Variants in FYB1 observed in about 807,000 individuals in gnomAD.
The protein encoded by FYB1 is FYN binding protein 1.
FYB1 carries 41 observed loss-of-function variants against 94.1 expected under a neutral mutation model. The ratio of observed to expected loss-of-function variants is 0.44; its 90% CI spans 0.34 to 0.57. The LOEUF (loss-of-function observed/expected upper bound fraction) is 0.57. Ranked by LOEUF, FYB1 falls within the 20% of genes least tolerant of loss-of-function variation. The pLI is 0.02. For missense variants in FYB1, 1,050 were observed against 976.8 expected (o/e 1.07, Z -1.00); for synonymous variants, 367 against 353.2 (o/e 1.04, Z -0.44).
At chr5:39,258,985 G>A (rs1752099018) in intron 1 of FYB1, among the ~76,000 whole-genome samples, 1 of 152,076 alleles carries the variant, frequency 6.6e-6, no homozygotes, top group Admixed American at 6.5e-5. Flanking sequence ...TCCCTCCTCA[G>A]CAACATGAAA....
In FYB1 at chr5:39,127,480, A is replaced by G. The variant is rs545533855; in HGVS notation, c.1907+261T>C. Among the ~76,000 whole-genome samples the G allele has an allele frequency of 8.0e-3, 1,213 of 150,964 alleles. 19 individuals carry two copies. The highest frequency in any genetic ancestry group is 0.028 in the African/African-American group (1,143 of 41,060). On this transcript the variant is annotated intron_variant, in intron 11 of 18. Coordinates refer to ENST00000512982, the MANE Select transcript of FYB1 (RefSeq NM_001465.6). ...AAAAAAAAAAAAAAAAAAATACACA[A>G]CACCTGTAATTTATCTTTTGTTTTC... is the stretch of plus-strand genomic sequence containing the variant.
chr5:39,237,500 T>C (rs1034965745), intron 1 of FYB1, among the ~76,000 whole-genome samples: 8 of 151,928 alleles, frequency 5.3e-5, no homozygotes, highest in Non-Finnish European at 1.2e-4. Flanking sequence ...AAGATGCAAA[T>C]AGAATTTTTT....
chr5:39,137,942 C>T, intron 6 of FYB1: 1 of 530,350 alleles, frequency 1.9e-6, no homozygotes, highest in South Asian at 2.2e-5. Flanking sequence ...CTTTCCCTGA[C>T]AACTTGTGCC....
At position 39,233,029 on chromosome 5, in the gene FYB1, C is replaced by T. The variant is rs556484173; in HGVS notation, c.-27-30042G>A. Among the ~76,000 whole-genome samples, 23 of 152,068 alleles carry T rather than the reference C, an allele frequency of 1.5e-4. 1 individual carries two copies. Among genetic ancestry groups the T allele is most frequent in the South Asian group, 1.5e-3 (7 of 4,818 alleles). ...TGTGAATAATGCCGCAAGAAACATA[C>T]GTGTGCATGTGTCTTTATAGCAGCA... On this transcript the variant is annotated intron_variant, in intron 1 of 1. Transcript: ENST00000510188.
chr5:39,262,362 A>T (rs756206822), intron 1 of FYB1, among the ~76,000 whole-genome samples: 6 of 152,238 alleles, frequency 3.9e-5, no homozygotes, highest in Non-Finnish European at 8.8e-5. Context: ...AGAAGAGTTT[A>T]TTGGAATGGC....
chr5:39,202,060 G>T lies in FYB1; in HGVS notation c.901C>A (p.Gln301Lys), dbSNP rs1748375482. 1 of 1,613,892 alleles carries T rather than the reference G, an allele frequency of 6.2e-7. No individual in the cohort carries two copies. Among genetic ancestry groups the T allele is most frequent in the Admixed American group, 1.7e-5 (1 of 60,010 alleles). The change falls in exon 2 of 19, where the codon CAG becomes AAG. Residue 301 changes from glutamine (Q) to lysine (K), a missense_variant. Gln to Lys is a moderately conservative substitution (Grantham distance 53). Coordinates refer to ENST00000512982, the MANE Select transcript of FYB1 (RefSeq NM_001465.6). ...AKNTFQSKIN[Q>K]EELASGTPPA... Reference sequence around the variant, plus strand: ...GGAGTCCCTGAGGCCAACTCTTCCTGATTTATTTTGCTCTGGAAGGTGTTC... The same window carrying T: ...GGAGTCCCTGAGGCCAACTCTTCCTTATTTATTTTGCTCTGGAAGGTGTTC...
intron 2 of FYB1, among the ~76,000 whole-genome samples, chr5:39,172,767 A>G (rs1745367147): frequency 6.6e-6 from 1 of 152,198 alleles, no homozygotes; most frequent in Admixed American, 6.5e-5. Flanking sequence ...TGTTGCTGCA[A>G]AGGACATGAC....
intron 1 of FYB1, among the ~76,000 whole-genome samples, chr5:39,205,257 A>G (rs1007566731): frequency 6.6e-6 from 1 of 152,204 alleles, no homozygotes; most frequent in African/African-American, 2.4e-5. Context: ...CTAAGCACAG[A>G]CTTAGGAACC....
At chr5:39,214,642 TATTGGCTGGG>T (rs1292323203) in intron 1 of FYB1, among the ~76,000 whole-genome samples, 1 of 152,108 alleles carries the variant, frequency 6.6e-6, no homozygotes, top group East Asian at 1.9e-4. Context: ...AAACAACAAG[TATTGGCTGGG>T]TGCTGTGGCT....
At chr5:39,187,717 T>C (rs970670222) in intron 2 of FYB1, among the ~76,000 whole-genome samples, 2 of 152,244 alleles carry the variant, frequency 1.3e-5, no homozygotes, top group African/African-American at 4.8e-5. Flanking sequence ...ATCGCCATTA[T>C]GGCCTTTATC....
In FYB1 at chr5:39,139,251, A is replaced by G; in HGVS notation, c.1341T>C (p.Gly447=). ...ATCTGACCTCATCTAGATTTCCAGC[A>G]CCTAAAAGATTAAAAAAATAAAATT... ...DNQDGVTHSD[G]AGNLDEEQDS... Residue 447 remains glycine (G), a splice_region_variant and synonymous_variant, in exon 5 of 19, where the codon GGT becomes GGC. Coordinates refer to ENST00000512982, the MANE Select transcript of FYB1 (RefSeq NM_001465.6). 1 of 1,458,580 alleles carries G rather than the reference A, an allele frequency of 6.9e-7. No homozygotes were observed. The highest frequency in any genetic ancestry group is 9.3e-7 in the Non-Finnish European group (1 of 1,079,128). 90.4% of individuals were successfully genotyped at this position (1,458,580 alleles called of 1,614,324 possible). A position where few individuals can be genotyped will look rare whatever the true frequency, so the allele number is the denominator to read the frequency against.
At chr5:39,159,664 C>T (rs141920601) in intron 2 of FYB1, among the ~76,000 whole-genome samples, 4 of 152,338 alleles carry the variant, frequency 2.6e-5, no homozygotes, top group South Asian at 2.1e-4. Flanking sequence ...AACTGAAAAT[C>T]TCCTGATATC....
rs2150247631 is a variant in FYB1 at position 39,107,183 on chromosome 5, A to G, written c.*260T>C. 1 of 273,438 alleles carries G rather than the reference A, an allele frequency of 3.7e-6. No individual in the cohort carries two copies. Among genetic ancestry groups the G allele is most frequent in the Non-Finnish European group, 7.0e-6 (1 of 143,176 alleles). 16.9% of individuals were successfully genotyped at this position (273,438 alleles called of 1,614,324 possible). A position where few individuals can be genotyped will look rare whatever the true frequency, so the allele number is the denominator to read the frequency against. On this transcript the variant is annotated 3_prime_UTR_variant, in exon 19 of 19. Transcript: ENST00000512982. ...TAAAAGAAGTACCTTCAACTTCTTC[A>G]TAATTGTAGCCAAAGCGGAAATGGA... is the stretch of plus-strand genomic sequence containing the variant.
At position 39,125,703 on chromosome 5, in the gene FYB1, C is replaced by T. The variant is rs140426923; in HGVS notation, c.2045+295G>A. ...GTTTGTGTATGACTGTGTGGATGAGCGTGAGAGGGTATGTGTGCAATTATG... is the reference window on the plus strand; with the variant it reads ...GTTTGTGTATGACTGTGTGGATGAGTGTGAGAGGGTATGTGTGCAATTATG... On this transcript the variant is annotated intron_variant, in intron 12 of 18. Transcript: ENST00000512982. Among the ~76,000 whole-genome samples, 300 of 151,980 alleles carry T rather than the reference C, an allele frequency of 2.0e-3. 1 individual carries two copies. Among genetic ancestry groups the T allele is most frequent in the African/African-American group, 7.0e-3 (289 of 41,480 alleles).
intron 16 of FYB1, among the ~76,000 whole-genome samples, chr5:39,117,704 T>G (rs1419921764): frequency 6.6e-6 from 1 of 152,150 alleles, no homozygotes; most frequent in Admixed American, 6.6e-5. Flanking sequence ...CTTCCTCCCA[T>G]TAAAATTAAA....
intron 2 of FYB1, among the ~76,000 whole-genome samples, chr5:39,176,960 G>A (rs984738912): frequency 6.6e-6 from 1 of 152,176 alleles, no homozygotes; most frequent in African/African-American, 2.4e-5. Context: ...CCAGAGACTG[G>A]GGGGTTACAA....
At chr5:39,157,933 T>G (rs565074262) in intron 2 of FYB1, among the ~76,000 whole-genome samples, 1 of 152,300 alleles carries the variant, frequency 6.6e-6, no homozygotes, top group Admixed American at 6.5e-5. Context: ...TGAGACAGAC[T>G]GAGGAACTGT....
rs188336952 is a variant in FYB1, at chr5:39,253,555, C to T, written c.-28+20848G>A. 2.8e-3 allele frequency among the ~76,000 whole-genome samples: 410 copies of T among 147,056 alleles called. 2 individuals are homozygous for T. Among genetic ancestry groups the T allele is most frequent in the Middle Eastern group, 0.011 (3 of 270 alleles). ...TGTTGTAAGGCATAGGATTGTTACA[C>T]AGGTAAATGTGTGTTGTAAGGTATA... On this transcript the variant is annotated intron_variant, in intron 1 of 1. Coordinates refer to the FYB1 transcript ENST00000510188.
At chr5:39,198,150 G>A (rs1272578535) in intron 2 of FYB1, among the ~76,000 whole-genome samples, 2 of 152,148 alleles carry the variant, frequency 1.3e-5, no homozygotes, top group African/African-American at 2.4e-5. Flanking sequence ...ATCTCATGTA[G>A]TGATTATAAT....
Sources: allele counts gnomAD v4.1 joint callset (sites outside exome capture counted in the v4.1 genomes callset), GRCh38; gene constraint gnomAD v4.1.1; transcripts MANE v1.5; gene names NCBI Gene and HGNC (gene_info 2026-07-23, HGNC 2026-07-21).